The following ABTB3 variants were observed in gnomAD, a reference collection of about 807,000 sequenced individuals.
ABTB3 encodes ankyrin repeat and BTB domain containing 3, also known as ankyrin repeat- and BTB/POZ domain-containing protein 3.
At chr12:107,541,357 C>A in the ABTB3 span, among the ~76,000 whole-genome samples, 305 of 152,326 alleles carry the variant, frequency 2.0e-3, 2 homozygotes, top group African/African-American at 7.0e-3. Flanking sequence ...ATGGGGGAGC[C>A]CCAACAGGGG....
At chr12:107,650,010 C>T in the ABTB3 span, 1 of 152,174 alleles carries the variant, frequency 6.6e-6, no homozygotes, top group Non-Finnish European at 1.5e-5. Flanking sequence ...AAAATCACCC[C>T]CAATTAATCC....
the ABTB3 span, among the ~76,000 whole-genome samples, chr12:107,484,344 C>A: frequency 6.6e-6 from 1 of 152,198 alleles, no homozygotes; most frequent in South Asian, 2.1e-4. Flanking sequence ...CCTGTGGTGT[C>A]TGGAGAGATG....
At chr12:107,535,573 C>T in the ABTB3 span, among the ~76,000 whole-genome samples, 1 of 152,128 alleles carries the variant, frequency 6.6e-6, no homozygotes, top group Non-Finnish European at 1.5e-5. Flanking sequence ...AGTAAAGTTG[C>T]AGCATACCAA....
the ABTB3 span, among the ~76,000 whole-genome samples, chr12:107,542,631 C>A: frequency 6.6e-6 from 1 of 152,080 alleles, no homozygotes. Flanking sequence ...CCTATGCAGT[C>A]AAAAATCTCT....
the ABTB3 span, among the ~76,000 whole-genome samples, chr12:107,548,005 C>G: frequency 6.6e-6 from 1 of 152,168 alleles, no homozygotes; most frequent in Non-Finnish European, 1.5e-5. Context: ...CTTCCGGCTC[C>G]CTGATGGAAC....
At chr12:107,520,734 A>G in the ABTB3 span, 1 of 1,476,418 alleles carries the variant, frequency 6.8e-7, no homozygotes, top group South Asian at 1.3e-5. Context: ...TCAGGGCACT[A>G]TTTTGTAATC....
chr12:107,475,720 T>G, the ABTB3 span, among the ~76,000 whole-genome samples: 1 of 152,026 alleles, frequency 6.6e-6, no homozygotes, highest in Non-Finnish European at 1.5e-5. Context: ...ATTTTCTTTT[T>G]TTTTTAATGA....
the ABTB3 span, among the ~76,000 whole-genome samples, chr12:107,446,267 T>G: frequency 2.6e-5 from 4 of 152,056 alleles, no homozygotes; most frequent in African/African-American, 4.8e-5. Flanking sequence ...GGAGTTAGTC[T>G]GGGTAGAACA....
chr12:107,647,599 G>A, the ABTB3 span, among the ~76,000 whole-genome samples: 1 of 152,176 alleles, frequency 6.6e-6, no homozygotes, highest in Non-Finnish European at 1.5e-5. Context: ...GAGACCAGTC[G>A]CAAAGACTTT....
chr12:107,358,756 A>T, the ABTB3 span, among the ~76,000 whole-genome samples: 3 of 152,258 alleles, frequency 2.0e-5, no homozygotes, highest in South Asian at 4.1e-4. Context: ...CACCACACAC[A>T]GCTAAGTTTT....
the ABTB3 span, among the ~76,000 whole-genome samples, chr12:107,477,463 A>G: frequency 6.6e-6 from 1 of 152,190 alleles, no homozygotes; most frequent in Non-Finnish European, 1.5e-5. Flanking sequence ...ATCTATCAGT[A>G]TTGATGGGCC....
the ABTB3 span, among the ~76,000 whole-genome samples, chr12:107,630,749 T>C: frequency 6.6e-6 from 1 of 152,222 alleles, no homozygotes; most frequent in Non-Finnish European, 1.5e-5. Flanking sequence ...AAATAGATTT[T>C]ATTTTTTTAG....
the ABTB3 span, among the ~76,000 whole-genome samples, chr12:107,495,162 G>A: frequency 6.6e-6 from 1 of 152,206 alleles, no homozygotes; most frequent in East Asian, 1.9e-4. Flanking sequence ...TCCCTTGGTA[G>A]TGGGGAATGG....
chr12:107,471,009 G>A, the ABTB3 span, among the ~76,000 whole-genome samples: 25 of 152,226 alleles, frequency 1.6e-4, no homozygotes, highest in Non-Finnish European at 3.2e-4. Flanking sequence ...CAGATGTGAT[G>A]TACTGAGCAT....
At chr12:107,487,986 A>C in the ABTB3 span, among the ~76,000 whole-genome samples, 1 of 147,862 alleles carries the variant, frequency 6.8e-6, no homozygotes, top group Non-Finnish European at 1.5e-5. Flanking sequence ...GATGAAAGCT[A>C]TGGGGGAGGG....
At chr12:107,509,979 T>C in the ABTB3 span, among the ~76,000 whole-genome samples, 21 of 152,358 alleles carry the variant, frequency 1.4e-4, 1 homozygote, top group South Asian at 4.3e-3. Context: ...TGTCTCTGTC[T>C]ATTATCCCAT....
the ABTB3 span, among the ~76,000 whole-genome samples, chr12:107,388,975 C>G: frequency 2.4e-5 from 3 of 127,148 alleles, no homozygotes; most frequent in Non-Finnish European, 5.3e-5. Flanking sequence ...GGAAAAGCAT[C>G]AAGTTTACAT....
the ABTB3 span, among the ~76,000 whole-genome samples, chr12:107,431,909 C>G: frequency 6.6e-6 from 1 of 152,124 alleles, no homozygotes; most frequent in South Asian, 2.1e-4. Flanking sequence ...GAACATGGGC[C>G]GTCCAGGGAA....
chr12:107,417,201 C>A, the ABTB3 span, among the ~76,000 whole-genome samples: 5 of 152,192 alleles, frequency 3.3e-5, no homozygotes, highest in Admixed American at 6.5e-5. Flanking sequence ...AAAAGCACAA[C>A]CTTTGGAGTC....
Sources: gnomAD v4.1 joint callset for allele counts (sites outside exome capture counted in the v4.1 genomes callset) on GRCh38, gnomAD v4.1.1 for gene constraint, MANE v1.5 for transcripts, NCBI Gene and HGNC (gene_info 2026-07-23, HGNC 2026-07-21) for gene names.